Variants in DISP1 observed in about 807,000 individuals in gnomAD.
The protein encoded by DISP1 is protein dispatched homolog 1.
DISP1 carries 30 observed loss-of-function variants against 37.3 expected under a neutral mutation model. The ratio of observed to expected loss-of-function variants is 0.80; its 90% CI spans 0.60 to 1.09. The LOEUF is 1.09. Among genes scored for constraint, DISP1 ranks in the 50% least tolerant of loss-of-function variants. The probability of loss-of-function intolerance (pLI) is 0.00; values close to 1 mark genes in which losing one functional copy is unlikely to be tolerated. For missense variants in DISP1, 1,598 were observed against 1,879.5 expected (o/e 0.85, Z 2.77); for synonymous variants, 634 against 690.2 (o/e 0.92, Z 1.28).
At chr1:222,945,305 G>A (rs531828070) in intron 3 of DISP1, among the ~76,000 whole-genome samples, 2 of 151,860 alleles carry the variant, frequency 1.3e-5, no homozygotes, top group African/African-American at 2.4e-5. Context: ...TTTCTTAGAA[G>A]ATTTGTCCTG....
chr1:222,908,559 C>G (rs1188935912), intron 1 of DISP1, among the ~76,000 whole-genome samples: 1 of 152,082 alleles, frequency 6.6e-6, no homozygotes, highest in Non-Finnish European at 1.5e-5. Context: ...CCATGCCCAG[C>G]TAATTTTTGT....
Position 223,003,208 on chromosome 1 carries a change from C to G in DISP1, c.1811C>G (p.Ala604Gly). Residue 604 changes from alanine to glycine, a missense_variant, in exon 9 of 9, where the codon GCT becomes GGT. By Grantham distance (60) the Ala-to-Gly change is moderately conservative. Coordinates refer to ENST00000675850, the MANE Select transcript of DISP1 (RefSeq NM_001377229.1). This position sits in a 1 kb window ranked among gnomAD's most constrained non-coding sequence, Gnocchi z 4.3. ...SETVSITLQH[A>G]ALSMFVTSFT... ...ACAGTAAGCATCACCTTGCAGCACGCTGCCCTCTCCATGTTCGTCACCAGT... is the reference window on the plus strand; with the variant it reads ...ACAGTAAGCATCACCTTGCAGCACGGTGCCCTCTCCATGTTCGTCACCAGT... The G allele has an allele frequency of 6.2e-7, 1 of 1,614,230 alleles. No homozygotes were observed. Among genetic ancestry groups the G allele is most frequent in the East Asian group, 2.2e-5 (1 of 44,886 alleles).
chr1:222,908,978 CT>C (rs1306286382), intron 1 of DISP1, among the ~76,000 whole-genome samples: 1 of 151,816 alleles, frequency 6.6e-6, no homozygotes, highest in East Asian at 1.9e-4. Flanking sequence ...ACACCTTATT[CT>C]TCCTTAGAAT....
chr1:222,916,967 A>G (rs1394184964), intron 1 of DISP1, among the ~76,000 whole-genome samples: 1 of 152,230 alleles, frequency 6.6e-6, no homozygotes, highest in Non-Finnish European at 1.5e-5. Flanking sequence ...TCTGCCGCCC[A>G]GAAGGAATGC....
chr1:222,857,794 T>C (rs1558296173), intron 1 of DISP1, among the ~76,000 whole-genome samples: 1 of 152,072 alleles, frequency 6.6e-6, no homozygotes, highest in Non-Finnish European at 1.5e-5. Flanking sequence ...CACAAACAAA[T>C]GGAAGAACAT....
intron 2 of DISP1, among the ~76,000 whole-genome samples, chr1:222,933,808 A>G (rs74227901): frequency 0.089 from 13,533 of 151,990 alleles, 634 homozygotes; most frequent in South Asian, 0.18. Flanking sequence ...AGGGAAGAAG[A>G]TTATATTTCT....
chr1:222,903,578 A>G (rs959903777), intron 1 of DISP1, among the ~76,000 whole-genome samples: 6 of 152,158 alleles, frequency 3.9e-5, no homozygotes, highest in East Asian at 1.9e-4. Flanking sequence ...AATGCAACCA[A>G]TTGCTTATTT....
intron 1 of DISP1, among the ~76,000 whole-genome samples, chr1:222,859,061 G>A (rs182541036): frequency 6.6e-6 from 1 of 152,270 alleles, no homozygotes; most frequent in East Asian, 1.9e-4. Context: ...ATTCACAATA[G>A]CAAAGACATG....
chr1:222,836,721 G>T (rs887424877), intron 1 of DISP1, among the ~76,000 whole-genome samples: 2 of 149,598 alleles, frequency 1.3e-5, no homozygotes, highest in Admixed American at 1.3e-4. Context: ...GAATCATCCA[G>T]TTGAGCAAGA....
intron 2 of DISP1, among the ~76,000 whole-genome samples, chr1:222,941,942 C>T (rs1287800625): frequency 2.0e-5 from 3 of 147,864 alleles, no homozygotes; most frequent in East Asian, 3.9e-4. Flanking sequence ...TGTGAATTCC[C>T]GGATTTTGTG....
At chr1:222,854,168 C>T (rs1572346274) in intron 1 of DISP1, among the ~76,000 whole-genome samples, 1 of 152,118 alleles carries the variant, frequency 6.6e-6, no homozygotes, top group Non-Finnish European at 1.5e-5. Flanking sequence ...ACTCTGTTTC[C>T]TTGATTCACA....
At chr1:222,871,056 C>G (rs1286808250) in intron 1 of DISP1, among the ~76,000 whole-genome samples, 1 of 152,096 alleles carries the variant, frequency 6.6e-6, no homozygotes, top group African/African-American at 2.4e-5. Context: ...GAATCCTTTC[C>G]CCATTGCTTG....
chr1:223,003,325 T>C lies in DISP1; in HGVS notation c.1928T>C (p.Val643Ala). 1.9e-6 allele frequency: 3 copies of C among 1,614,194 alleles called. No individual in the cohort carries two copies. The highest frequency in any genetic ancestry group is 2.5e-6 in the Non-Finnish European group (3 of 1,180,042). ...FGVYAGTAIL[V>A]NYVLMVTWLP... ...GTTTATGCGGGGACAGCTATATTGG[T>C]GAATTACGTTTTGATGGTCACATGG... Residue 643 changes from valine to alanine, a missense_variant, in exon 9 of 9, where the codon GTG (valine) becomes GCG (alanine). Val to Ala is a moderately conservative substitution (Grantham distance 64). Coordinates refer to ENST00000675850, the MANE Select transcript of DISP1 (RefSeq NM_001377229.1). The surrounding 1 kb of genome is among the most constrained non-coding windows in gnomAD (Gnocchi z 4.3).
chr1:222,873,466 G>C (rs1669714986), intron 1 of DISP1, among the ~76,000 whole-genome samples: 1 of 152,052 alleles, frequency 6.6e-6, no homozygotes, highest in African/African-American at 2.4e-5. Flanking sequence ...TCCTGTATTG[G>C]GTGCATATAT....
At chr1:222,845,785 A>G (rs776376899) in intron 1 of DISP1, among the ~76,000 whole-genome samples, 3 of 152,112 alleles carry the variant, frequency 2.0e-5, no homozygotes, top group Non-Finnish European at 2.9e-5. Flanking sequence ...TTTCCCCTCT[A>G]TGATATATAA....
intron 1 of DISP1, among the ~76,000 whole-genome samples, chr1:222,834,035 G>A (rs1001420595): frequency 6.6e-6 from 1 of 152,132 alleles, no homozygotes; most frequent in Non-Finnish European, 1.5e-5. Flanking sequence ...AGTATCATTT[G>A]GAGCAACTAC....
chr1:222,969,148 A>C (rs1175006740), intron 3 of DISP1, among the ~76,000 whole-genome samples: 1 of 151,760 alleles, frequency 6.6e-6, no homozygotes, highest in African/African-American at 2.4e-5. Context: ...AGGTGGGTGG[A>C]TCATCTGACG....
intron 1 of DISP1, among the ~76,000 whole-genome samples, chr1:222,864,266 A>C (rs1669052402): frequency 1.3e-5 from 2 of 152,204 alleles, no homozygotes; most frequent in African/African-American, 4.8e-5. Flanking sequence ...AAGCCTTGGC[A>C]TTAAGTAACT....
chr1:222,842,316 A>T (rs1348508823), intron 1 of DISP1, among the ~76,000 whole-genome samples: 11 of 149,178 alleles, frequency 7.4e-5, no homozygotes, highest in African/African-American at 1.2e-4. Flanking sequence ...GTCATTTTAA[A>T]AAAAAAAAAA....
Sources: allele counts gnomAD v4.1 joint callset (sites outside exome capture counted in the v4.1 genomes callset), GRCh38; gene constraint gnomAD v4.1.1; non-coding constraint Gnocchi (gnomAD v3.1); transcripts MANE v1.5; gene names NCBI Gene and HGNC (gene_info 2026-07-23, HGNC 2026-07-21).